TAF4B: variants seen among roughly 807,000 people sequenced by gnomAD.
TAF4B encodes transcription initiation factor TFIID subunit 4B.
TAF4B carries 38 observed loss-of-function variants against 86.4 expected under a neutral mutation model. The observed-to-expected ratio is 0.44, with a 90% CI of 0.34 to 0.58. The LOEUF is 0.58. Ranked by LOEUF, TAF4B falls within the 20% of genes least tolerant of loss-of-function variation. The pLI is 0.02. For missense variants in TAF4B, 988 were observed against 1,027.6 expected (o/e 0.96, Z 0.53); for synonymous variants, 388 against 391.2 (o/e 0.99, Z 0.10).
At chr18:26,319,869 C>T (rs908228455) in intron 10 of TAF4B, among the ~76,000 whole-genome samples, 14 of 152,040 alleles carry the variant, frequency 9.2e-5, no homozygotes, top group African/African-American at 2.9e-4. Flanking sequence ...GAATTACAGG[C>T]GTGTGCCACC....
intron 1 of TAF4B, among the ~76,000 whole-genome samples, chr18:26,257,137 C>T (rs1489673566): frequency 6.6e-6 from 1 of 152,006 alleles, no homozygotes; most frequent in Non-Finnish European, 1.5e-5. Flanking sequence ...TGGTTGATTT[C>T]CTTGCTGCTT....
rs759189467 is a variant in TAF4B at position 26,227,169 on chromosome 18, C to T, written c.236C>T (p.Pro79Leu). 1 of 1,614,150 alleles carries T rather than the reference C, an allele frequency of 6.2e-7. No homozygotes were observed. Among genetic ancestry groups the T allele is most frequent in the South Asian group, 1.1e-5 (1 of 91,084 alleles). ...ACCAAAGTGGCTCCGGTCAGCGCCC[C>T]TCCTAAAGTCAGCAGCGGCCCTAGG... Reference protein sequence around the residue: ...LVTKVAPVSAPPKVSSGPRLP... With the variant: ...LVTKVAPVSALPKVSSGPRLP... The change falls in exon 1 of 15, where the codon CCT becomes CTT. Residue 79 changes from proline to leucine, a missense_variant. Physicochemically the swap from Pro to Leu is moderately conservative, Grantham distance 98. Coordinates refer to ENST00000269142, the MANE Select transcript of TAF4B (RefSeq NM_005640.3).
At chr18:26,259,159 G>A (rs1211860047) in intron 1 of TAF4B, among the ~76,000 whole-genome samples, 1 of 148,390 alleles carries the variant, frequency 6.7e-6, no homozygotes, top group East Asian at 2.0e-4. Flanking sequence ...GCTTTCAGCT[G>A]TTATTTCTTT....
chr18:26,323,526 ATTTTT>A (rs11310174), intron 11 of TAF4B, among the ~76,000 whole-genome samples: 6 of 130,722 alleles, frequency 4.6e-5, no homozygotes, highest in Non-Finnish European at 3.3e-5. Flanking sequence ...CACCCAACTA[ATTTTT>A]TTTTTTTTTT....
At chr18:26,303,229 C>CTCCCTCCACTTTCATAG (rs2056758280) in intron 9 of TAF4B, among the ~76,000 whole-genome samples, 1 of 122,752 alleles carries the variant, frequency 8.1e-6, no homozygotes, top group Non-Finnish European at 1.7e-5. Flanking sequence ...CACTTTCATA[C>CTCCCTCCACTTTCATAG]TCCCTCCACT....
At chr18:26,386,004 T>A (rs1978345521) in intron 14 of TAF4B, among the ~76,000 whole-genome samples, 1 of 152,154 alleles carries the variant, frequency 6.6e-6, no homozygotes, top group Non-Finnish European at 1.5e-5. Flanking sequence ...TGCTATATAT[T>A]TTGTATTCAG....
chr18:26,290,106 GTA>G lies in TAF4B; in HGVS notation c.1591-2138_1591-2137del, dbSNP rs574219919. On this transcript the variant is annotated intron_variant, in intron 7 of 14. Transcript: ENST00000269142. ...ATACAGGTGCCATAGTAAACTATGT[GTA>G]TTCGGGGAGGTAAAGGAAGACAAAA... Among the ~76,000 whole-genome samples the G allele has an allele frequency of 2.6e-5, 4 of 152,232 alleles. No homozygotes were observed. The East Asian group carries it at 7.7e-4, about 29-fold the overall frequency.
intron 9 of TAF4B, 59 bp from the exon 10 acceptor site, chr18:26,315,170 C>CAA: frequency 1.1e-6 from 1 of 882,278 alleles, no homozygotes; most frequent in Non-Finnish European, 1.6e-6. Flanking sequence ...CTCACACACA[C>CAA]ACACACACAC....
chr18:26,299,696 TGATA>T, intron 9 of TAF4B, among the ~76,000 whole-genome samples: 1 of 152,210 alleles, frequency 6.6e-6, no homozygotes, highest in East Asian at 1.9e-4. Context: ...TCAATTTCAT[TGATA>T]GATATAAAGG....
intron 11 of TAF4B, among the ~76,000 whole-genome samples, chr18:26,321,814 G>C (rs2144677379): frequency 6.6e-6 from 1 of 152,110 alleles, no homozygotes; most frequent in Non-Finnish European, 1.5e-5. Context: ...TTCTACATTA[G>C]ATCTTTCCAC....
At chr18:26,346,157 G>T (rs1399095294) in intron 13 of TAF4B, among the ~76,000 whole-genome samples, 1 of 152,052 alleles carries the variant, frequency 6.6e-6, no homozygotes, top group Non-Finnish European at 1.5e-5. Flanking sequence ...ATCTAATAAT[G>T]AGATAGATAT....
chr18:26,267,505 C>T lies in TAF4B; in HGVS notation c.490-11C>T, dbSNP rs375035232. 5.1e-5 allele frequency: 82 copies of T among 1,602,066 alleles called. No homozygotes were observed. Among genetic ancestry groups the T allele is most frequent in the Non-Finnish European group, 6.6e-5 (77 of 1,169,130 alleles). Reference sequence around the variant, plus strand: ...TGACTTTGTGTTATCTTGCTCCCCTCCACCGCCAAGAACTCTAGCTCACAA... The same window carrying T: ...TGACTTTGTGTTATCTTGCTCCCCTTCACCGCCAAGAACTCTAGCTCACAA... On this transcript the variant is annotated splice_polypyrimidine_tract_variant and intron_variant, in intron 2 of 14. Coordinates refer to ENST00000269142, the MANE Select transcript of TAF4B (RefSeq NM_005640.3).
At chr18:26,267,713 G>T (rs2056260429) in intron 3 of TAF4B, 90 bp downstream of exon 3, 12 of 876,320 alleles carry the variant, frequency 1.4e-5, no homozygotes, top group Non-Finnish European at 2.3e-5. Context: ...GTAAGTTACT[G>T]TGTGACATTG....
intron 7 of TAF4B, among the ~76,000 whole-genome samples, chr18:26,286,944 A>G (rs2056531288): frequency 1.3e-5 from 2 of 152,266 alleles, no homozygotes; most frequent in African/African-American, 4.8e-5. Context: ...TTGGCCTCCC[A>G]AAGCACTGGG....
intron 14 of TAF4B, among the ~76,000 whole-genome samples, chr18:26,382,192 T>C (rs894109012): frequency 6.6e-6 from 1 of 152,206 alleles, no homozygotes; most frequent in African/African-American, 2.4e-5. Flanking sequence ...TAGCAGTCCT[T>C]TGAATAAATT....
chr18:26,306,962 T>C (rs1361257654), intron 9 of TAF4B, among the ~76,000 whole-genome samples: 1 of 151,842 alleles, frequency 6.6e-6, no homozygotes, highest in Non-Finnish European at 1.5e-5. Context: ...TGTATTTTTT[T>C]AGTAGTGACG....
chr18:26,265,011 A>C (rs2056218547), intron 1 of TAF4B, among the ~76,000 whole-genome samples, 159 bp from the exon 2 acceptor site: 1 of 152,210 alleles, frequency 6.6e-6, no homozygotes, highest in Non-Finnish European at 1.5e-5. Context: ...TTGGAGTAAA[A>C]ACATTTGTTC....
intron 14 of TAF4B, among the ~76,000 whole-genome samples, chr18:26,369,688 T>C (rs1049591653): frequency 6.6e-6 from 1 of 152,206 alleles, no homozygotes; most frequent in African/African-American, 2.4e-5. Flanking sequence ...TTGGCTCCTC[T>C]GAACCGTGGG....
At chr18:26,257,365 G>A (rs985623529) in intron 1 of TAF4B, among the ~76,000 whole-genome samples, 4 of 152,052 alleles carry the variant, frequency 2.6e-5, no homozygotes, top group Non-Finnish European at 4.4e-5. Flanking sequence ...TATTAGTATG[G>A]CCACTACAGC....
Sources: allele counts gnomAD v4.1 joint callset (sites outside exome capture counted in the v4.1 genomes callset), GRCh38; gene constraint gnomAD v4.1.1; transcripts MANE v1.5; gene names NCBI Gene and HGNC (gene_info 2026-07-23, HGNC 2026-07-21).